Variants in SHPRH observed in about 807,000 individuals in gnomAD.
The protein encoded by SHPRH is E3 ubiquitin-protein ligase SHPRH.
A neutral mutation model predicts 202.5 loss-of-function variants in SHPRH; 106 were observed. The ratio of observed to expected loss-of-function variants is 0.52; its 90% confidence interval spans 0.45 to 0.62. SHPRH has a LOEUF of 0.62. Among genes scored for constraint, SHPRH ranks in the 20% least tolerant of loss-of-function variants. The probability of loss-of-function intolerance (pLI) is 0.00; values close to 1 mark genes in which losing one functional copy is unlikely to be tolerated. For synonymous variants in SHPRH, 729 were observed against 686.0 expected (o/e 1.06, Z -0.98); for missense variants, 1,710 against 2,020.0 (o/e 0.85, Z 2.94).
At chr6:145,919,300 G>C in intron 22 of SHPRH, 48 bp downstream of exon 22, 7 of 1,606,668 alleles carry the variant, frequency 4.4e-6, no homozygotes, top group Non-Finnish European at 6.0e-6. Flanking sequence ...TTAGATATCT[G>C]TGACATCTGC....
Position 145,919,374 on chromosome 6 carries a change from CA to C in SHPRH, c.4125del (p.Val1376PhefsTer10). The C allele has an allele frequency of 6.2e-7, 1 of 1,613,012 alleles. No homozygotes were observed. The highest frequency in any genetic ancestry group is 8.5e-7 in the Non-Finnish European group (1 of 1,179,326). On this transcript the variant is annotated frameshift_variant, in exon 22 of 30. Coordinates refer to ENST00000275233, the MANE Select transcript of SHPRH (RefSeq NM_001042683.3). LOFTEE classifies it high-confidence loss of function. ...TCATGTGGTTCAATGATATGAAGAA[CA>C]GGCGGATTAGGCTTTGGCTCCCTAG... ...RDPREPKPNP[P>X]VLHIIEPHEV...
intron 1 of SHPRH, among the ~76,000 whole-genome samples, chr6:145,959,516 A>G (rs924327922): frequency 6.6e-6 from 1 of 152,122 alleles, no homozygotes; most frequent in Non-Finnish European, 1.5e-5. Context: ...GTATACTCTT[A>G]AGATGTTCAC....
chr6:145,886,407 T>C lies in SHPRH; in HGVS notation c.*284A>G. The stretch of plus-strand genomic sequence containing the variant: ...TATCATAAGAAAAGTACACATTACC[T>C]CTCTTAATTCCCTTGCATCATCAGA... On this transcript the variant is annotated 3_prime_UTR_variant, in exon 30 of 30. Transcript: ENST00000275233. 1 of 755,278 alleles carries C rather than the reference T, an allele frequency of 1.3e-6. No individual in the cohort carries two copies. Among genetic ancestry groups the C allele is most frequent in the Non-Finnish European group, 2.4e-6 (1 of 408,250 alleles). 46.8% of individuals were successfully genotyped at this position (755,278 alleles called of 1,614,324 possible).
downstream of SHPRH, among the ~76,000 whole-genome samples, chr6:145,881,938 T>A (rs118026451): frequency 4.2e-3 from 640 of 152,106 alleles, 18 homozygotes; most frequent in East Asian, 0.072. Flanking sequence ...ACGCTGTCTC[T>A]ACAAAAAATT....
intron 2 of SHPRH, among the ~76,000 whole-genome samples, chr6:145,875,422 C>T (rs1161351999): frequency 1.3e-5 from 2 of 152,206 alleles, no homozygotes; most frequent in Admixed American, 6.5e-5. Context: ...AGGCCATAGC[C>T]GTTCCACAGC....
Position 145,955,239 on chromosome 6 carries a change from G to C in SHPRH, c.84C>G (p.Asp28Glu), listed in dbSNP as rs1181994282. 6.2e-7 allele frequency: 1 copy of C among 1,613,284 alleles called. No individual in the cohort carries two copies. ...TTATGATGATAGGTTCATTCCTTCT[G>C]TCCTCATGCATATTCCAATGAAGCT... ...RQQLHWNMHE[D>E]RRNEPIIISD... The change falls in exon 2 of 30, where the codon GAC (aspartate) becomes GAG (glutamate). Residue 28 changes from aspartate (D) to glutamate (E), a missense_variant. By Grantham distance (45) the Asp-to-Glu change is conservative (BLOSUM62 2). Coordinates refer to ENST00000275233, the MANE Select transcript of SHPRH (RefSeq NM_001042683.3).
intron 3 of SHPRH, among the ~76,000 whole-genome samples, 172 bp from the exon 4 acceptor site, chr6:145,950,654 C>A (rs903743182): frequency 1.3e-5 from 2 of 152,066 alleles, no homozygotes; most frequent in Non-Finnish European, 2.9e-5. Flanking sequence ...ATCTACTCAT[C>A]CATTCTTCAA....
intron 25 of SHPRH, among the ~76,000 whole-genome samples, chr6:145,898,366 G>C (rs781491194): frequency 3.7e-4 from 57 of 152,244 alleles, no homozygotes; most frequent in Middle Eastern, 3.4e-3. Context: ...ATATGTTCAT[G>C]AACTGAACTA....
chr6:145,893,397 A>C lies in SHPRH; in HGVS notation c.4696-4T>G, dbSNP rs768414621. On this transcript the variant is annotated splice_region_variant and splice_polypyrimidine_tract_variant and intron_variant, in intron 27 of 29. Transcript: ENST00000275233. ...GTTTAAATGCTGAAAGGTTCTCCTA[A>C]AAAAGAAAGGTACATTTTAATTTTA... The C allele has an allele frequency of 2.5e-6, 4 of 1,578,394 alleles. No individual in the cohort carries two copies. In the South Asian group the frequency reaches 4.7e-5, roughly 19 times the overall value.
At chr6:145,929,183 T>C (rs1785182220) in intron 14 of SHPRH, among the ~76,000 whole-genome samples, 1 of 151,942 alleles carries the variant, frequency 6.6e-6, no homozygotes, top group South Asian at 2.1e-4. Context: ...AAAACCCATA[T>C]TCAATGTTAT....
intron 14 of SHPRH, among the ~76,000 whole-genome samples, chr6:145,931,530 G>T (rs1785442982): frequency 6.6e-6 from 1 of 152,028 alleles, no homozygotes; most frequent in South Asian, 2.1e-4. Context: ...TAGAGACGGG[G>T]TTTCACCATG....
intron 2 of SHPRH, among the ~76,000 whole-genome samples, chr6:145,878,238 G>A (rs1780392775): frequency 6.6e-6 from 1 of 152,082 alleles, no homozygotes; most frequent in African/African-American, 2.4e-5. Flanking sequence ...CCAACCCCAT[G>A]CACAACCTTT....
chr6:145,867,595 AAAG>A (rs1779832959), intron 2 of SHPRH, among the ~76,000 whole-genome samples: 1 of 83,524 alleles, frequency 1.2e-5, no homozygotes, highest in African/African-American at 4.3e-5. Flanking sequence ...TGTCTTCAAA[AAAG>A]AATATATATA....
intron 23 of SHPRH, 183 bp downstream of exon 23, chr6:145,917,948 T>G: frequency 2.3e-6 from 1 of 432,888 alleles, no homozygotes; most frequent in Non-Finnish European, 4.1e-6. Flanking sequence ...GCATAATAAA[T>G]TTCTATAGAT....
chr6:145,924,452 G>T (rs942162659), intron 17 of SHPRH, among the ~76,000 whole-genome samples: 2 of 151,862 alleles, frequency 1.3e-5, no homozygotes, highest in African/African-American at 4.8e-5. Flanking sequence ...GGTTATAGAA[G>T]TCTTTACTTT....
downstream of SHPRH, among the ~76,000 whole-genome samples, chr6:145,880,446 T>C (rs1398988958): frequency 6.6e-6 from 1 of 151,936 alleles, no homozygotes; most frequent in Admixed American, 6.6e-5. Flanking sequence ...TTGGGCAACA[T>C]GGAGAAACCC....
intron 25 of SHPRH, chr6:145,905,279 G>A (rs1160097841): frequency 6.6e-6 from 1 of 152,274 alleles, no homozygotes; most frequent in Non-Finnish European, 1.5e-5. Flanking sequence ...GAAAGGAAAG[G>A]AGAAACTATA....
chr6:145,919,230 G>C, intron 22 of SHPRH, 118 bp downstream of exon 22: 1 of 1,346,476 alleles, frequency 7.4e-7, no homozygotes, highest in Non-Finnish European at 1.0e-6. Flanking sequence ...ATTAAAAATG[G>C]AGATTAAATA....
intron 25 of SHPRH, chr6:145,907,184 T>C (rs925090039): frequency 6.6e-6 from 1 of 152,120 alleles, no homozygotes; most frequent in Admixed American, 6.6e-5. Flanking sequence ...TCATTAGCTA[T>C]ACCATTACCC....
Sources: allele counts gnomAD v4.1 joint callset (sites outside exome capture counted in the v4.1 genomes callset), GRCh38; gene constraint gnomAD v4.1.1; transcripts MANE v1.5; gene names NCBI Gene and HGNC (gene_info 2026-07-23, HGNC 2026-07-21).